The following PDE6D variants were observed in gnomAD, a reference collection of about 807,000 sequenced individuals.
The protein encoded by PDE6D is retinal rod rhodopsin-sensitive cGMP 3',5'-cyclic phosphodiesterase subunit delta.
Under a neutral mutation model 21.9 loss-of-function variants are expected in PDE6D, and 10 were observed. That is an observed-to-expected ratio of 0.46 (90% CI 0.28 to 0.78). The LOEUF is 0.78. PDE6D is among the 30% of genes least tolerant of loss of function. PDE6D has a pLI of 0.12. For missense variants in PDE6D, 139 were observed against 184.8 expected (o/e 0.75, Z 1.44); for synonymous variants, 59 against 63.5 (o/e 0.93, Z 0.34).
At chr2:231,754,195 G>A (rs1313579017) in intron 1 of PDE6D, among the ~76,000 whole-genome samples, 1 of 152,118 alleles carries the variant, frequency 6.6e-6, no homozygotes, top group East Asian at 1.9e-4. Context: ...AACAAAGACA[G>A]CAATTATTGT....
intron 1 of PDE6D, among the ~76,000 whole-genome samples, chr2:231,750,101 A>T (rs1043727514): frequency 2.0e-5 from 3 of 152,110 alleles, no homozygotes; most frequent in Non-Finnish European, 4.4e-5. Flanking sequence ...TCTTGTGATA[A>T]GTCTCACGAG....
chr2:231,740,680 CAAAAAA>C (rs3074722), intron 1 of PDE6D, among the ~76,000 whole-genome samples: 62 of 57,018 alleles, frequency 1.1e-3, no homozygotes, highest in African/African-American at 3.1e-3. Flanking sequence ...GACCCTGTCT[CAAAAAA>C]AAAAAAAAAA....
chr2:231,761,631 C>A (rs2048930615), intron 1 of PDE6D, among the ~76,000 whole-genome samples: 1 of 152,218 alleles, frequency 6.6e-6, no homozygotes, highest in Non-Finnish European at 1.5e-5. Context: ...ATATTTCTAG[C>A]CTTATCTGGC....
intron 1 of PDE6D, among the ~76,000 whole-genome samples, chr2:231,749,544 AT>A (rs1428577331): frequency 3.0e-5 from 2 of 66,952 alleles, no homozygotes; most frequent in Non-Finnish European, 6.2e-5. Context: ...ACTCTGTTTT[AT>A]TTTTTTTGAG....
At chr2:231,737,907 T>C in intron 3 of PDE6D, 106 bp downstream of exon 3, 1 of 1,104,516 alleles carries the variant, frequency 9.1e-7, no homozygotes, top group Non-Finnish European at 1.3e-6. Flanking sequence ...ACAAACTGAG[T>C]TGTAAAAGGA....
intron 4 of PDE6D, among the ~76,000 whole-genome samples, chr2:231,735,544 C>T (rs1011193766): frequency 2.0e-4 from 30 of 151,152 alleles, no homozygotes; most frequent in African/African-American, 6.3e-4. Context: ...GTGATCCACC[C>T]GACTTGGCTT....
At chr2:231,751,577 C>G (rs1052657229) in intron 1 of PDE6D, among the ~76,000 whole-genome samples, 1 of 152,208 alleles carries the variant, frequency 6.6e-6, no homozygotes, top group Admixed American at 6.5e-5. Context: ...TATTGCTCCT[C>G]TTGGATGTGA....
chr2:231,765,756 G>T (rs1389543314), intron 1 of PDE6D, among the ~76,000 whole-genome samples: 1 of 152,020 alleles, frequency 6.6e-6, no homozygotes, highest in Admixed American at 6.6e-5. Context: ...TCATTACAGG[G>T]CTGTCTGTCT....
intron 1 of PDE6D, among the ~76,000 whole-genome samples, chr2:231,759,665 A>G (rs1363221243): frequency 1.3e-5 from 2 of 152,202 alleles, no homozygotes; most frequent in African/African-American, 4.8e-5. Flanking sequence ...TGAAGTTGGT[A>G]TAGATTAATA....
chr2:231,757,289 A>G (rs1280788012), intron 1 of PDE6D, among the ~76,000 whole-genome samples: 1 of 151,476 alleles, frequency 6.6e-6, no homozygotes, highest in African/African-American at 2.4e-5. Context: ...AAAAGTTTCA[A>G]GTATTAAACG....
At chr2:231,738,991 C>G in intron 2 of PDE6D, 109 bp downstream of exon 2, 1 of 584,016 alleles carries the variant, frequency 1.7e-6, no homozygotes. Context: ...CATGCTGTGT[C>G]TTCAGGGGCT....
At chr2:231,771,114 G>A (rs1219488269) in intron 1 of PDE6D, among the ~76,000 whole-genome samples, 2 of 150,474 alleles carry the variant, frequency 1.3e-5, no homozygotes, top group South Asian at 2.1e-4. Context: ...TCTGCCTCCC[G>A]GGTTCAAGCG....
intron 1 of PDE6D, chr2:231,778,740 TC>T (rs1176655874): frequency 4.6e-5 from 7 of 152,338 alleles, no homozygotes; most frequent in Admixed American, 6.5e-5. Flanking sequence ...AGAGACATAG[TC>T]CAGTATAGCT....
intron 1 of PDE6D, among the ~76,000 whole-genome samples, chr2:231,760,281 T>C (rs114266308): frequency 0.015 from 2,242 of 152,324 alleles, 27 homozygotes; most frequent in Non-Finnish European, 0.024. Context: ...GGCAGAAATG[T>C]ATACAGTCTT....
intron 1 of PDE6D, among the ~76,000 whole-genome samples, chr2:231,754,797 A>T (rs1485023144): frequency 6.6e-6 from 1 of 152,018 alleles, no homozygotes; most frequent in Non-Finnish European, 1.5e-5. Context: ...TAGACTGGTT[A>T]AGTGCCCTGG....
chr2:231,779,154 T>C (rs1430795626), intron 1 of PDE6D: 5 of 152,332 alleles, frequency 3.3e-5, no homozygotes, highest in East Asian at 1.9e-4. Context: ...TCATGCTAAC[T>C]TTTTGATGTG....
chr2:231,780,088 A>AT (rs1279228904), intron 1 of PDE6D, among the ~76,000 whole-genome samples: 2 of 152,140 alleles, frequency 1.3e-5, no homozygotes, highest in African/African-American at 4.8e-5. Context: ...CCAAGTTTGC[A>AT]TTTTTTCATC....
chr2:231,735,673 G>A (rs1027639531), intron 4 of PDE6D, among the ~76,000 whole-genome samples: 1 of 151,746 alleles, frequency 6.6e-6, no homozygotes, highest in African/African-American at 2.4e-5. Flanking sequence ...AGCTTCCCAA[G>A]TAGCTAGGAT....
intron 1 of PDE6D, among the ~76,000 whole-genome samples, chr2:231,769,870 A>C (rs1353177846): frequency 6.6e-6 from 1 of 152,206 alleles, no homozygotes; most frequent in Non-Finnish European, 1.5e-5. Flanking sequence ...ATGCATAATA[A>C]CACTCTGTAA....
Sources: gnomAD v4.1 joint callset for allele counts (sites outside exome capture counted in the v4.1 genomes callset) on GRCh38, gnomAD v4.1.1 for gene constraint, MANE v1.5 for transcripts, NCBI Gene and HGNC (gene_info 2026-07-23, HGNC 2026-07-21) for gene names.